Variants in ITPR2 observed in about 807,000 individuals in gnomAD.
ITPR2 encodes the protein inositol 1,4,5-trisphosphate-gated calcium channel ITPR2.
ITPR2 carries 207 observed loss-of-function variants against 317.1 expected under a neutral mutation model. That is an observed-to-expected ratio of 0.65 (90% CI 0.58 to 0.73). The LOEUF is 0.73. Among genes scored for constraint, ITPR2 ranks in the 30% least tolerant of loss-of-function variants. The probability of loss-of-function intolerance (pLI) is 0.00; values close to 1 mark genes in which losing one functional copy is unlikely to be tolerated. For synonymous variants in ITPR2, 1,156 were observed against 1,149.1 expected (o/e 1.01, Z -0.12); for missense variants, 2,613 against 3,284.0 (o/e 0.80, Z 4.99).
At chr12:26,654,207 T>A in intron 20 of ITPR2, 81 bp from the exon 21 acceptor site, 1 of 1,104,308 alleles carries the variant, frequency 9.1e-7, no homozygotes, top group Non-Finnish European at 1.3e-6. Context: ...ACATTGGCTT[T>A]TTTATTATCT....
intron 2 of ITPR2, among the ~76,000 whole-genome samples, chr12:26,733,177 AGTGGCGT>A (rs1386216511): frequency 1.3e-5 from 2 of 151,906 alleles, no homozygotes; most frequent in African/African-American, 4.8e-5. Flanking sequence ...AGCCAGGCGC[AGTGGCGT>A]GTGCCTGTAA....
intron 45 of ITPR2, among the ~76,000 whole-genome samples, chr12:26,460,178 C>A (rs899502297): frequency 1.3e-5 from 2 of 152,166 alleles, no homozygotes; most frequent in Non-Finnish European, 2.9e-5. Context: ...CCTCCTGATC[C>A]GACCCTGCCT....
In ITPR2 at chr12:26,376,245, C is replaced by T. The variant is rs553968769; in HGVS notation, c.7857+11189G>A. Among the ~76,000 whole-genome samples the T allele has an allele frequency of 2.6e-5, 4 of 152,202 alleles. No individual in the cohort carries two copies. The South Asian group carries it at 8.3e-4, about 32-fold the overall frequency. ...TGTGGAGGTATCATCTAAAATATCT[C>T]GAAAATGAAAATGCCTTGAAAATGT... On this transcript the variant is annotated intron_variant, in intron 55 of 56. Coordinates refer to ENST00000381340, the MANE Select transcript of ITPR2 (RefSeq NM_002223.4).
At chr12:26,727,720 C>T (rs909410252) in intron 2 of ITPR2, among the ~76,000 whole-genome samples, 2 of 152,160 alleles carry the variant, frequency 1.3e-5, no homozygotes, top group East Asian at 1.9e-4. Flanking sequence ...AGACCCTGTC[C>T]TCAGAAAGCT....
chr12:26,653,245 T>TTC (rs1253284934), intron 21 of ITPR2, among the ~76,000 whole-genome samples: 4 of 143,790 alleles, frequency 2.8e-5, no homozygotes, highest in Admixed American at 2.7e-4. Context: ...ATCTTTCTTT[T>TTC]TTTTTTTTTT....
At chr12:26,744,741 A>T (rs899703156) in intron 2 of ITPR2, among the ~76,000 whole-genome samples, 2 of 152,260 alleles carry the variant, frequency 1.3e-5, no homozygotes, top group Non-Finnish European at 2.9e-5. Context: ...TAGAGAACAC[A>T]GTCATAGCAG....
At chr12:26,633,972 C>A (rs1302698102) in intron 21 of ITPR2, among the ~76,000 whole-genome samples, 3 of 152,208 alleles carry the variant, frequency 2.0e-5, no homozygotes, top group Non-Finnish European at 2.9e-5. Flanking sequence ...CCAGACAATT[C>A]TTTCCCCCAA....
intron 34 of ITPR2, among the ~76,000 whole-genome samples, chr12:26,569,722 TTAATG>T (rs1945107133): frequency 6.6e-6 from 1 of 152,108 alleles, no homozygotes; most frequent in Non-Finnish European, 1.5e-5. Context: ...TATCAATCAT[TTAATG>T]TTTTTTTCCT....
At chr12:26,775,565 G>C (rs1949945431) in intron 2 of ITPR2, among the ~76,000 whole-genome samples, 1 of 152,146 alleles carries the variant, frequency 6.6e-6, no homozygotes, top group African/African-American at 2.4e-5. Flanking sequence ...TTAATATTAA[G>C]TGTCAACTTG....
At chr12:26,730,317 G>A (rs566884979) in intron 2 of ITPR2, among the ~76,000 whole-genome samples, 137 of 152,150 alleles carry the variant, frequency 9.0e-4, no homozygotes, top group Non-Finnish European at 1.5e-3. Context: ...AGAGCAACCC[G>A]GTCTCACCTG....
chr12:26,446,587 C>A (rs1440622921), intron 45 of ITPR2, among the ~76,000 whole-genome samples: 1 of 151,734 alleles, frequency 6.6e-6, no homozygotes, highest in East Asian at 1.9e-4. Flanking sequence ...AGTGAACAAA[C>A]CTATACAAAT....
chr12:26,677,947 G>A lies in ITPR2; in HGVS notation c.1409+3927C>T, dbSNP rs1947950772. ...TCTAGATCCTGGGCTCCTATCATGG[G>A]GAATGAGAACCATCCCTCGAGAGGG... On this transcript the variant is annotated intron_variant, in intron 13 of 56. Transcript: ENST00000381340. Among the ~76,000 whole-genome samples, 3 of 152,118 alleles carry A rather than the reference G, an allele frequency of 2.0e-5. No individual in the cohort carries two copies. The South Asian group carries it at 6.2e-4, about 32-fold the overall frequency.
At chr12:26,443,977 G>A (rs73083271) in intron 45 of ITPR2, among the ~76,000 whole-genome samples, 3,873 of 152,224 alleles carry the variant, frequency 0.025, 80 homozygotes, top group Non-Finnish European at 0.038. Flanking sequence ...GATCAACAGT[G>A]CAATAAATCA....
chr12:26,409,466 A>G (rs923338236), intron 52 of ITPR2, among the ~76,000 whole-genome samples: 5 of 152,226 alleles, frequency 3.3e-5, no homozygotes, highest in African/African-American at 1.2e-4. Flanking sequence ...AGTGCTTAGC[A>G]CTGCATTGCT....
rs142706047 is a variant in ITPR2, at chr12:26,642,173, C to T, written c.2741-10114G>A. On this transcript the variant is annotated intron_variant, in intron 21 of 56. Coordinates refer to ENST00000381340, the MANE Select transcript of ITPR2 (RefSeq NM_002223.4). ...CACCTGGAAATAGGAAGCTTCTAGCCATTGTTTTCATGTCTAGAATTTTAT... is the reference window on the plus strand; with the variant it reads ...CACCTGGAAATAGGAAGCTTCTAGCTATTGTTTTCATGTCTAGAATTTTAT... 1.6e-3 allele frequency among the ~76,000 whole-genome samples: 241 copies of T among 152,206 alleles called. 2 individuals carry two copies. The highest frequency in any genetic ancestry group is 6.8e-4 in the Non-Finnish European group (46 of 68,000).
chr12:26,732,321 C>G (rs1949041341), intron 2 of ITPR2, among the ~76,000 whole-genome samples: 1 of 152,160 alleles, frequency 6.6e-6, no homozygotes, highest in African/African-American at 2.4e-5. Flanking sequence ...TTCCTTGAAG[C>G]AAAGAAGCAA....
intron 37 of ITPR2, among the ~76,000 whole-genome samples, chr12:26,522,851 A>G (rs541714431): frequency 1.6e-3 from 250 of 152,248 alleles, no homozygotes; most frequent in African/African-American, 5.6e-3. Context: ...CGGGGGGGGA[A>G]CCCCACAACA....
intron 9 of ITPR2, 32 bp downstream of exon 9, chr12:26,711,141 A>G (rs186075359): frequency 2.4e-5 from 36 of 1,479,432 alleles, no homozygotes; most frequent in Middle Eastern, 3.5e-4. Context: ...TCAGAGTCAG[A>G]AACTTAATAC....
chr12:26,600,534 GT>G (rs1375357626), intron 28 of ITPR2, among the ~76,000 whole-genome samples: 1 of 151,270 alleles, frequency 6.6e-6, no homozygotes, highest in African/African-American at 2.4e-5. Flanking sequence ...GTACTCCCCA[GT>G]CCCCATAATT....
Sources: gnomAD v4.1 joint callset for allele counts (sites outside exome capture counted in the v4.1 genomes callset) on GRCh38, gnomAD v4.1.1 for gene constraint, MANE v1.5 for transcripts, NCBI Gene and HGNC (gene_info 2026-07-23, HGNC 2026-07-21) for gene names.